SIPA1L1: variants seen among roughly 807,000 people sequenced by gnomAD.
SIPA1L1 encodes the protein signal induced proliferation associated 1 like 1.
In SIPA1L1, 26 loss-of-function variants were observed where a neutral mutation model predicts 162.7. The ratio of observed to expected loss-of-function variants is 0.16; its 90% CI spans 0.12 to 0.22. The LOEUF is 0.22. Ranked by LOEUF, SIPA1L1 falls within the 10% of genes least tolerant of loss-of-function variation. The pLI is 1.00. For synonymous variants in SIPA1L1, 829 were observed against 837.4 expected (o/e 0.99, Z 0.17); for missense variants, 1,874 against 2,241.0 (o/e 0.84, Z 3.31).
intron 5 of SIPA1L1, among the ~76,000 whole-genome samples, chr14:71,613,663 C>T (rs193167445): frequency 6.6e-6 from 1 of 152,178 alleles, no homozygotes; most frequent in Non-Finnish European, 1.5e-5. Context: ...ATCTGTAACT[C>T]CCTCATCCTT....
At chr14:71,622,718 C>T (rs1020704195) in intron 6 of SIPA1L1, among the ~76,000 whole-genome samples, 1 of 152,222 alleles carries the variant, frequency 6.6e-6, no homozygotes, top group African/African-American at 2.4e-5. Flanking sequence ...ATTCTAACTA[C>T]ATTCTCTGCC....
In SIPA1L1 at chr14:71,698,852, C is replaced by G. The variant is rs2081865091; in HGVS notation, c.3375-129C>G. 12 of 818,868 alleles carry G rather than the reference C, an allele frequency of 1.5e-5. No individual in the cohort carries two copies. In the South Asian group the frequency reaches 2.5e-4, roughly 17 times the overall value. 50.7% of individuals were successfully genotyped at this position (818,868 alleles called of 1,614,324 possible). A position where few individuals can be genotyped will look rare whatever the true frequency, so the allele number is the denominator to read the frequency against. ...GGAAGTTTCTTTTGTAGGCTTCCAG[C>G]TGGCTTCATTTTCACTATCTCCATG... On this transcript the variant is annotated intron_variant, in intron 13 of 23. Transcript: ENST00000381232.
intron 2 of SIPA1L1, among the ~76,000 whole-genome samples, chr14:71,417,363 C>T (rs1402338625): frequency 1.4e-5 from 2 of 146,992 alleles, no homozygotes; most frequent in Non-Finnish European, 1.5e-5. Flanking sequence ...CCCAGCTACT[C>T]GGGAGGCTGA....
At chr14:71,598,533 C>T (rs953306286) in intron 5 of SIPA1L1, among the ~76,000 whole-genome samples, 7 of 152,060 alleles carry the variant, frequency 4.6e-5, no homozygotes, top group Non-Finnish European at 1.0e-4. Context: ...TCAGACAAAC[C>T]CAAATTGAGA....
intron 2 of SIPA1L1, among the ~76,000 whole-genome samples, chr14:71,439,546 A>G (rs1339536268): frequency 6.6e-6 from 1 of 152,244 alleles, no homozygotes; most frequent in Non-Finnish European, 1.5e-5. Flanking sequence ...TTATTTTCAT[A>G]ACTACTCATG....
At chr14:71,491,544 ATTG>A (rs2049253832) in intron 2 of SIPA1L1, among the ~76,000 whole-genome samples, 1 of 134,116 alleles carries the variant, frequency 7.5e-6, no homozygotes, top group Admixed American at 7.5e-5. Flanking sequence ...TGTTGTTGTT[ATTG>A]TTGTTTTGAG....
At chr14:71,708,015 G>GTTTTTTTTTTTTT (rs34838057) in intron 16 of SIPA1L1, among the ~76,000 whole-genome samples, 1 of 100,302 alleles carries the variant, frequency 1.0e-5, no homozygotes, top group Non-Finnish European at 1.9e-5. Flanking sequence ...GTTTTTTGGT[G>GTTTTTTTTTTTTT]TTTTTTTTTT....
At chr14:71,626,290 G>GT (rs1319014733) in intron 7 of SIPA1L1, among the ~76,000 whole-genome samples, 3 of 152,108 alleles carry the variant, frequency 2.0e-5, no homozygotes, top group African/African-American at 7.2e-5. Context: ...TTAGACAGTA[G>GT]TTTTTTACTA....
intron 13 of SIPA1L1, among the ~76,000 whole-genome samples, chr14:71,688,875 C>T (rs2081058780): frequency 6.6e-6 from 1 of 152,100 alleles, no homozygotes; most frequent in African/African-American, 2.4e-5. Context: ...ATTTTTTCTC[C>T]TGTAGGTTAG....
intron 2 of SIPA1L1, among the ~76,000 whole-genome samples, chr14:71,385,666 T>G (rs1275303763): frequency 6.6e-6 from 1 of 150,872 alleles, no homozygotes; most frequent in East Asian, 1.9e-4. Context: ...ATAGAGATGC[T>G]TTACTTTCTT....
intron 15 of SIPA1L1, chr14:71,704,835 CTGTCTAGGTAA>C (rs1284751894): frequency 7.9e-7 from 1 of 1,266,790 alleles, no homozygotes; most frequent in Admixed American, 1.7e-5. Context: ...GCATCCATGC[CTGTCTAGGTAA>C]TGTAGACCAA....
At chr14:71,434,421 A>T (rs2044227386) in intron 2 of SIPA1L1, among the ~76,000 whole-genome samples, 1 of 152,258 alleles carries the variant, frequency 6.6e-6, no homozygotes, top group Admixed American at 6.5e-5. Context: ...TTATGTTTTC[A>T]TATGGATGTT....
intron 22 of SIPA1L1, among the ~76,000 whole-genome samples, chr14:71,737,299 G>T (rs372156093): frequency 9.9e-5 from 15 of 152,120 alleles, no homozygotes; most frequent in African/African-American, 3.4e-4. Context: ...CTTTTACTCC[G>T]TGACCTAGAA....
At chr14:71,382,778 A>G (rs956760251) in intron 2 of SIPA1L1, among the ~76,000 whole-genome samples, 10 of 152,216 alleles carry the variant, frequency 6.6e-5, no homozygotes, top group Non-Finnish European at 1.3e-4. Flanking sequence ...TTGAGTGCCC[A>G]TATGTGAAAG....
intron 2 of SIPA1L1, among the ~76,000 whole-genome samples, chr14:71,409,342 T>A (rs1208403197): frequency 1.3e-5 from 2 of 151,880 alleles, no homozygotes; most frequent in African/African-American, 2.4e-5. Flanking sequence ...TGTCTAAAAC[T>A]TTTTGTTTTG....
chr14:71,486,731 C>T (rs1050339912), intron 2 of SIPA1L1, among the ~76,000 whole-genome samples: 1 of 152,242 alleles, frequency 6.6e-6, no homozygotes, highest in South Asian at 2.1e-4. Context: ...CAGCTTTCGA[C>T]AAATTATTTC....
At chr14:71,371,751 A>G (rs1259392882) in intron 2 of SIPA1L1, among the ~76,000 whole-genome samples, 1 of 152,172 alleles carries the variant, frequency 6.6e-6, no homozygotes, top group South Asian at 2.1e-4. Flanking sequence ...TATAGGCATA[A>G]TTGAGTGTTT....
chr14:71,631,050 G>A (rs1023175294), intron 7 of SIPA1L1, among the ~76,000 whole-genome samples: 11 of 152,214 alleles, frequency 7.2e-5, no homozygotes, highest in Non-Finnish European at 1.6e-4. Context: ...AGGCCTGTGT[G>A]TGATGTTCCC....
chr14:71,603,549 C>T (rs1335479260), intron 5 of SIPA1L1, among the ~76,000 whole-genome samples: 24 of 152,066 alleles, frequency 1.6e-4, no homozygotes, highest in Non-Finnish European at 3.5e-4. Context: ...GCCTTGAACT[C>T]CCAGGCTTTA....
Sources: gnomAD v4.1 joint callset for allele counts (sites outside exome capture counted in the v4.1 genomes callset) on GRCh38, gnomAD v4.1.1 for gene constraint, MANE v1.5 for transcripts, NCBI Gene and HGNC (gene_info 2026-07-23, HGNC 2026-07-21) for gene names.